The following TAF3 variants were observed in gnomAD, a reference collection of about 807,000 sequenced individuals.
TAF3 encodes TATA-box binding protein associated factor 3.
A neutral mutation model predicts 80.6 loss-of-function variants in TAF3; 7 were observed. The ratio of observed to expected loss-of-function variants is 0.09; its 90% CI spans 0.05 to 0.16. The LOEUF is 0.16. Ranked by LOEUF, TAF3 falls within the 10% of genes least tolerant of loss-of-function variation. The probability of loss-of-function intolerance (pLI) is 1.00; values close to 1 mark genes in which losing one functional copy is unlikely to be tolerated. For synonymous variants in TAF3, 444 were observed against 446.1 expected, an observed-to-expected ratio of 1.00 and a Z score of 0.06; for missense variants, 921 against 1,140.2, an observed-to-expected ratio of 0.81 and a Z score of 2.77.
intron 4 of TAF3, among the ~76,000 whole-genome samples, chr10:7,979,948 TAAA>T (rs912844396): frequency 6.6e-6 from 1 of 152,140 alleles, no homozygotes; most frequent in African/African-American, 2.4e-5. Context: ...GGAAAAAAAT[TAAA>T]AGAAGAATGT....
intron 5 of TAF3, among the ~76,000 whole-genome samples, chr10:8,010,169 C>T (rs767672441): frequency 2.6e-5 from 4 of 152,176 alleles, no homozygotes; most frequent in Non-Finnish European, 5.9e-5. Context: ...TGCCTCCCAA[C>T]GTGCTGAGAT....
At chr10:7,845,452 G>T (rs59034943) in intron 2 of TAF3, among the ~76,000 whole-genome samples, 2 of 152,074 alleles carry the variant, frequency 1.3e-5, no homozygotes, top group South Asian at 2.1e-4. Context: ...CAGTGCTAGG[G>T]GTAGGGGTGA....
At chr10:8,000,298 G>T (rs984266032) in intron 4 of TAF3, among the ~76,000 whole-genome samples, 4 of 152,032 alleles carry the variant, frequency 2.6e-5, no homozygotes, top group Middle Eastern at 3.4e-3. Flanking sequence ...TGTATTTTTA[G>T]TAGAGACAGG....
chr10:7,850,599 C>T (rs1045910543), intron 2 of TAF3, among the ~76,000 whole-genome samples: 2 of 151,780 alleles, frequency 1.3e-5, no homozygotes, highest in African/African-American at 2.4e-5. Context: ...TTGCTTGAAC[C>T]CAGGAGGCAG....
At chr10:7,858,310 A>G (rs1406390098) in intron 2 of TAF3, among the ~76,000 whole-genome samples, 2 of 152,210 alleles carry the variant, frequency 1.3e-5, no homozygotes, top group South Asian at 2.1e-4. Flanking sequence ...AGCAATTGCC[A>G]GTAATATTGT....
Position 7,965,095 on chromosome 10 carries a change from C to G in TAF3, c.1585C>G (p.Leu529Val), listed in dbSNP as rs766951410. 3.7e-6 allele frequency: 6 copies of G among 1,613,650 alleles called. No homozygotes were observed. The South Asian group carries it at 4.4e-5, about 12-fold the overall frequency. Residue 529 changes from leucine (L) to valine (V), a missense_variant, in exon 3 of 7, where the codon CTA (leucine) becomes GTA (valine). Leu to Val is a conservative substitution (Grantham distance 32, BLOSUM62 1). Coordinates refer to ENST00000344293, the MANE Select transcript of TAF3 (RefSeq NM_031923.4). ...VEVKKKLKKELKTKMKKKEKQ... is the reference protein window; with the variant it reads ...VEVKKKLKKEVKTKMKKKEKQ... The stretch of plus-strand genomic sequence containing the variant: ...GGTAAAGAAGAAGTTGAAAAAGGAA[C>G]TAAAGACTAAAATGAAAAAGAAAGA...
chr10:7,873,627 C>CT (rs1554779065), intron 2 of TAF3, among the ~76,000 whole-genome samples: 1 of 148,948 alleles, frequency 6.7e-6, no homozygotes, highest in Non-Finnish European at 1.5e-5. Flanking sequence ...TCCCCCCCCC[C>CT]CCGTCAAAAG....
chr10:8,006,179 TAC>T (rs59502450), intron 4 of TAF3, among the ~76,000 whole-genome samples: 8,755 of 134,478 alleles, frequency 0.065, 414 homozygotes, highest in African/African-American at 0.15. Context: ...AAAAAAAAAA[TAC>T]ACACACACAC....
intron 2 of TAF3, among the ~76,000 whole-genome samples, chr10:7,840,105 A>G (rs1237102255): frequency 1.3e-5 from 2 of 152,132 alleles, no homozygotes; most frequent in Admixed American, 6.6e-5. Flanking sequence ...TTTAAGTTTT[A>G]ATGTTTCTAA....
chr10:7,863,684 TAC>T (rs530024052), intron 2 of TAF3, among the ~76,000 whole-genome samples: 1 of 67,282 alleles, frequency 1.5e-5, no homozygotes, highest in African/African-American at 5.5e-5. Context: ...TATATATATA[TAC>T]ACACACATAT....
chr10:7,843,206 C>G (rs1836935542), intron 2 of TAF3, among the ~76,000 whole-genome samples: 1 of 152,108 alleles, frequency 6.6e-6, no homozygotes, highest in Admixed American at 6.5e-5. Context: ...TTCCCAGACT[C>G]AAGCAATCCT....
intron 4 of TAF3, among the ~76,000 whole-genome samples, chr10:7,999,814 C>T (rs957288419): frequency 1.3e-5 from 2 of 152,270 alleles, no homozygotes; most frequent in Non-Finnish European, 2.9e-5. Flanking sequence ...TCTCTTCCCC[C>T]TCCTTTGACC....
intron 2 of TAF3, among the ~76,000 whole-genome samples, chr10:7,931,216 A>G (rs1837866840): frequency 6.6e-6 from 1 of 152,194 alleles, no homozygotes; most frequent in Non-Finnish European, 1.5e-5. Context: ...ATAATAACTC[A>G]GAGTCAGTTT....
rs532188706 is a variant in TAF3, at chr10:7,818,555, C to T, written c.-155C>T. On this transcript the variant is annotated 5_prime_UTR_variant, in exon 1 of 7. Coordinates refer to ENST00000344293, the MANE Select transcript of TAF3 (RefSeq NM_031923.4). The stretch of plus-strand genomic sequence containing the variant: ...TGGCGGCTCTCAGGCTGGCGCGCTC[C>T]GTGCTGCTGGGGCTTTGAGGTGGTC... 6 of 731,006 alleles carry T rather than the reference C, an allele frequency of 8.2e-6. No homozygotes were observed. In the South Asian group the frequency reaches 1.2e-4, roughly 15 times the overall value. The allele number at this position is 731,006 out of a possible 1,614,324, so 45.3% of individuals were successfully genotyped here. A position where few individuals can be genotyped will look rare whatever the true frequency, so the allele number is the denominator to read the frequency against.
At chr10:7,854,417 A>G (rs923503078) in intron 2 of TAF3, among the ~76,000 whole-genome samples, 2 of 152,226 alleles carry the variant, frequency 1.3e-5, no homozygotes, top group African/African-American at 4.8e-5. Context: ...AGATACACAC[A>G]TGGAAGCTCT....
chr10:7,977,095 C>A, intron 3 of TAF3, 146 bp from the exon 4 acceptor site: 1 of 686,908 alleles, frequency 1.5e-6, no homozygotes. Flanking sequence ...TACAGAATGG[C>A]CCAGATTGTC....
intron 2 of TAF3, among the ~76,000 whole-genome samples, chr10:7,845,498 T>C (rs543152450): frequency 6.6e-6 from 1 of 152,308 alleles, no homozygotes; most frequent in South Asian, 2.1e-4. Context: ...AATGATTTGG[T>C]TTGGGTGGTT....
At chr10:7,845,235 AC>A (rs544874516) in intron 2 of TAF3, among the ~76,000 whole-genome samples, 272 of 146,536 alleles carry the variant, frequency 1.9e-3, no homozygotes, top group African/African-American at 6.5e-3. Context: ...AAATGTGGGA[AC>A]TACCAAAAAA....
chr10:7,887,301 A>G (rs1467276058), intron 2 of TAF3, among the ~76,000 whole-genome samples: 1 of 152,002 alleles, frequency 6.6e-6, no homozygotes, highest in African/African-American at 2.4e-5. Flanking sequence ...AAAGCAGTTT[A>G]TGAACTGATG....
Sources: gnomAD v4.1 joint callset for allele counts (sites outside exome capture counted in the v4.1 genomes callset) on GRCh38, gnomAD v4.1.1 for gene constraint, MANE v1.5 for transcripts, NCBI Gene and HGNC (gene_info 2026-07-23, HGNC 2026-07-21) for gene names.